PEX14: variants seen among roughly 807,000 people sequenced by gnomAD.
PEX14 encodes the protein peroxisomal biogenesis factor 14, also known as peroxisomal membrane protein PEX14.
Under a neutral mutation model 49.5 loss-of-function variants are expected in PEX14, and 15 were observed. That is an observed-to-expected ratio of 0.30 (90% confidence interval 0.20 to 0.47). The LOEUF is 0.47. Among genes scored for constraint, PEX14 ranks in the 20% least tolerant of loss-of-function variants. PEX14 has a pLI of 1.00. For missense variants in PEX14, 398 were observed against 494.8 expected (o/e 0.80, Z 1.86); for synonymous variants, 210 against 212.7 (o/e 0.99, Z 0.11).
intron 3 of PEX14, among the ~76,000 whole-genome samples, chr1:10,548,157 C>T (rs895138293): frequency 3.3e-5 from 5 of 152,204 alleles, no homozygotes; most frequent in African/African-American, 1.2e-4. Flanking sequence ...GCGGAGGTTG[C>T]AGTGAGCTGA....
chr1:10,543,138 T>C (rs1257773215), intron 3 of PEX14, among the ~76,000 whole-genome samples: 1 of 152,232 alleles, frequency 6.6e-6, no homozygotes, highest in Non-Finnish European at 1.5e-5. Context: ...AATTCTTGCT[T>C]TCTTTTTTTG....
At chr1:10,572,019 T>C (rs1306978457) in intron 3 of PEX14, among the ~76,000 whole-genome samples, 1 of 152,176 alleles carries the variant, frequency 6.6e-6, no homozygotes, top group Non-Finnish European at 1.5e-5. Context: ...GTTTATGTAG[T>C]ACAATCAGAT....
At position 10,630,168 on chromosome 1, in the gene PEX14, T is replaced by C; in HGVS notation, c.*181T>C. ...GAGTCACACTTCTGTCCACCTGGCC[T>C]CCTCTCGCCTGGCCGCCAGCCCCAG... On this transcript the variant is annotated 3_prime_UTR_variant, in exon 9 of 9. Coordinates refer to ENST00000356607, the MANE Select transcript of PEX14 (RefSeq NM_004565.3). This position sits in a 1 kb window ranked among gnomAD's most constrained non-coding sequence, Gnocchi z 4.1. 1.0e-6 allele frequency: 1 copy of C among 972,134 alleles called. No individual in the cohort carries two copies. Among genetic ancestry groups the C allele is most frequent in the Non-Finnish European group, 1.5e-6 (1 of 676,182 alleles). 60.2% of individuals were successfully genotyped at this position (972,134 alleles called of 1,614,324 possible). A position where few individuals can be genotyped will look rare whatever the true frequency, so the allele number is the denominator to read the frequency against.
intron 4 of PEX14, among the ~76,000 whole-genome samples, chr1:10,611,984 A>C (rs894741498): frequency 1.3e-5 from 2 of 152,142 alleles, no homozygotes; most frequent in African/African-American, 4.8e-5. Flanking sequence ...AAAAGCTTTA[A>C]ATTTTGATGG....
intron 3 of PEX14, among the ~76,000 whole-genome samples, chr1:10,577,036 C>G (rs1412341795): frequency 6.6e-6 from 1 of 151,992 alleles, no homozygotes; most frequent in Non-Finnish European, 1.5e-5. Flanking sequence ...GCCACCACAC[C>G]CAGCCTAATT....
At chr1:10,610,639 C>T (rs1167442367) in intron 4 of PEX14, among the ~76,000 whole-genome samples, 1 of 152,032 alleles carries the variant, frequency 6.6e-6, no homozygotes, top group East Asian at 1.9e-4. Context: ...GCATGCGCTA[C>T]CACGCCTGGA....
In PEX14 at chr1:10,623,494, A is replaced by G. The variant is rs1475421691; in HGVS notation, c.487+373A>G. Among the ~76,000 whole-genome samples the G allele has an allele frequency of 6.6e-6, 1 of 152,104 alleles. No individual in the cohort carries two copies. The highest frequency in any genetic ancestry group is 1.5e-5 in the Non-Finnish European group (1 of 68,024). On this transcript the variant is annotated intron_variant, in intron 6 of 8. Transcript: ENST00000356607. This position sits in a 1 kb window ranked among gnomAD's most constrained non-coding sequence, Gnocchi z 4.4. ...CCTCTAAGACTCGACTGTGGGGTCA[A>G]GAGAGTCTGTAATTACTGTGGCTCC...
At chr1:10,510,413 G>A (rs1363088783) in intron 2 of PEX14, among the ~76,000 whole-genome samples, 1 of 152,164 alleles carries the variant, frequency 6.6e-6, no homozygotes, top group African/African-American at 2.4e-5. Context: ...GCAAGTCTTT[G>A]TGGGCACCAT....
chr1:10,568,336 C>G (rs1197544595), intron 3 of PEX14, among the ~76,000 whole-genome samples: 4 of 110,472 alleles, frequency 3.6e-5, no homozygotes, highest in African/African-American at 1.4e-4. Context: ...CCCCCCCCCC[C>G]CCACTCCCAC....
At chr1:10,511,430 C>G (rs769718776) in intron 2 of PEX14, among the ~76,000 whole-genome samples, 4 of 152,140 alleles carry the variant, frequency 2.6e-5, no homozygotes, top group Non-Finnish European at 5.9e-5. Flanking sequence ...TTCTTTCCAG[C>G]TTTAATGCTA....
chr1:10,624,667 A>G (rs945223669), intron 7 of PEX14, among the ~76,000 whole-genome samples: 1 of 151,972 alleles, frequency 6.6e-6, no homozygotes, highest in African/African-American at 2.4e-5. Context: ...TTCTCTCTCT[A>G]TGTCACCTCC....
intron 4 of PEX14, 60 bp downstream of exon 4, chr1:10,599,426 G>A: frequency 6.3e-7 from 1 of 1,594,352 alleles, no homozygotes; most frequent in Non-Finnish European, 8.6e-7. Context: ...TCTGGCCAAA[G>A]GGCAGTGTTC....
chr1:10,528,435 T>C (rs1261351936), intron 2 of PEX14: 1 of 256,594 alleles, frequency 3.9e-6, no homozygotes, highest in East Asian at 1.8e-4. Flanking sequence ...ATAGAGGCAG[T>C]GTTATCATTA....
intron 2 of PEX14, among the ~76,000 whole-genome samples, chr1:10,521,170 A>G (rs573835334): frequency 1.4e-5 from 2 of 147,238 alleles, no homozygotes; most frequent in South Asian, 4.3e-4. Context: ...GCTGTTTTCT[A>G]TTCTCTCCTT....
At chr1:10,601,809 C>T (rs970028619) in intron 4 of PEX14, among the ~76,000 whole-genome samples, 1 of 152,218 alleles carries the variant, frequency 6.6e-6, no homozygotes, top group Non-Finnish European at 1.5e-5. Context: ...TGAGTCTCCA[C>T]ACTTTTTCTT....
intron 1 of PEX14, among the ~76,000 whole-genome samples, chr1:10,480,221 T>C (rs1321648830): frequency 6.6e-6 from 1 of 151,528 alleles, no homozygotes; most frequent in Non-Finnish European, 1.5e-5. Context: ...TTGTTTTGTT[T>C]TGTTTTTGAG....
At chr1:10,545,924 G>T (rs1297612309) in intron 3 of PEX14, among the ~76,000 whole-genome samples, 3 of 152,040 alleles carry the variant, frequency 2.0e-5, no homozygotes, top group African/African-American at 7.2e-5. Context: ...GCATGCCTGT[G>T]GTTCCAGCTA....
chr1:10,496,432 C>G (rs1005365340), intron 2 of PEX14, among the ~76,000 whole-genome samples: 4 of 152,188 alleles, frequency 2.6e-5, no homozygotes, highest in Non-Finnish European at 4.4e-5. Flanking sequence ...CCTTGCTAGT[C>G]TCTCCGGACG....
intron 2 of PEX14, among the ~76,000 whole-genome samples, chr1:10,509,734 T>C (rs1362571662): frequency 6.6e-6 from 1 of 152,208 alleles, no homozygotes; most frequent in Non-Finnish European, 1.5e-5. Context: ...TTAATCATTT[T>C]TTTCTTACCT....
Sources: allele counts gnomAD v4.1 joint callset (sites outside exome capture counted in the v4.1 genomes callset), GRCh38; gene constraint gnomAD v4.1.1; non-coding constraint Gnocchi (gnomAD v3.1); transcripts MANE v1.5; gene names NCBI Gene and HGNC (gene_info 2026-07-23, HGNC 2026-07-21).